Variants in ITPR1 observed in about 807,000 individuals in gnomAD.
ITPR1 encodes the protein inositol 1,4,5-trisphosphate receptor type 1, also known as inositol 1,4,5-trisphosphate-gated calcium channel ITPR1.
A neutral mutation model predicts 318.4 loss-of-function variants in ITPR1; 96 were observed. The observed-to-expected ratio is 0.30, with a 90% CI of 0.26 to 0.36. ITPR1 has a LOEUF of 0.36. ITPR1 is among the 10% of genes least tolerant of loss of function. ITPR1 has a pLI of 1.00. For synonymous variants in ITPR1, 1,312 were observed against 1,289.9 expected (o/e 1.02, Z -0.37); for missense variants, 2,440 against 3,460.2 (o/e 0.71, Z 7.40).
Position 4,685,212 on chromosome 3 carries a change from C to T in ITPR1, c.3702+6C>T, listed in dbSNP as rs542846100. On this transcript the variant is annotated splice_donor_region_variant and intron_variant, in intron 30 of 61. Transcript: ENST00000649015. ...TGCAGATTCCCTATGAGAAGGTGAG[C>T]GGTGCCTCATGCACAGCAGCTGCTC... is the stretch of plus-strand genomic sequence containing the variant. 78 of 1,596,036 alleles carry T rather than the reference C, an allele frequency of 4.9e-5. No individual in the cohort carries two copies. Among genetic ancestry groups the T allele is most frequent in the Non-Finnish European group, 5.6e-5 (66 of 1,175,414 alleles).
chr3:4,803,224 G>A (rs1011598059), intron 54 of ITPR1, among the ~76,000 whole-genome samples: 1 of 152,140 alleles, frequency 6.6e-6, no homozygotes, highest in Non-Finnish European at 1.5e-5. Flanking sequence ...TTATGATCCA[G>A]TCACCTCCCC....
chr3:4,527,972 C>T (rs17040842), intron 4 of ITPR1, among the ~76,000 whole-genome samples: 12,378 of 152,104 alleles, frequency 0.081, 1,652 homozygotes, highest in African/African-American at 0.28. Flanking sequence ...TAGGAAGGGT[C>T]CTCAAATAAG....
At chr3:4,600,605 G>A (rs773875391) in intron 4 of ITPR1, among the ~76,000 whole-genome samples, 5 of 152,116 alleles carry the variant, frequency 3.3e-5, no homozygotes, top group Non-Finnish European at 7.4e-5. Context: ...AAATATATGT[G>A]AATGTTTGTG....
At chr3:4,625,380 T>C (rs1007931500) in intron 4 of ITPR1, among the ~76,000 whole-genome samples, 30 of 152,174 alleles carry the variant, frequency 2.0e-4, no homozygotes, top group Admixed American at 1.9e-3. Flanking sequence ...TTTTGAGATA[T>C]TTATTTGACT....
chr3:4,659,327 A>G (rs2093781886), intron 13 of ITPR1, among the ~76,000 whole-genome samples: 1 of 152,186 alleles, frequency 6.6e-6, no homozygotes, highest in Admixed American at 6.5e-5. Flanking sequence ...TTTTAACTGA[A>G]TAGTATGTTT....
intron 30 of ITPR1, among the ~76,000 whole-genome samples, chr3:4,686,957 T>C (rs1462154554): frequency 1.3e-5 from 2 of 152,236 alleles, no homozygotes; most frequent in African/African-American, 4.8e-5. Context: ...GTAATCCCCA[T>C]TATGTTGTCC....
chr3:4,688,266 A>G (rs961051437), intron 30 of ITPR1, among the ~76,000 whole-genome samples: 4 of 53,802 alleles, frequency 7.4e-5, no homozygotes, highest in Non-Finnish European at 2.6e-4. Flanking sequence ...TATTAGCCTT[A>G]CTCTGCAGTG....
chr3:4,748,359 A>C (rs2044258389), intron 44 of ITPR1, among the ~76,000 whole-genome samples: 1 of 152,126 alleles, frequency 6.6e-6, no homozygotes, highest in South Asian at 2.1e-4. Context: ...TGCACTGGTT[A>C]TTTGATCTGA....
intron 40 of ITPR1, among the ~76,000 whole-genome samples, chr3:4,718,931 A>AT (rs1197198989): frequency 6.6e-6 from 1 of 152,146 alleles, no homozygotes; most frequent in Non-Finnish European, 1.5e-5. Context: ...ACTGATTTAA[A>AT]TTTTTCCTCT....
At chr3:4,685,298 A>G (rs2094373622) in intron 30 of ITPR1, 92 bp downstream of exon 30, 4 of 1,279,500 alleles carry the variant, frequency 3.1e-6, no homozygotes, top group Non-Finnish European at 2.1e-6. Context: ...TTGTTAGTGA[A>G]GAAATGCATC....
At chr3:4,688,756 T>C (rs1182344646) in intron 31 of ITPR1, 136 bp downstream of exon 31, 1 of 817,018 alleles carries the variant, frequency 1.2e-6, no homozygotes, top group Non-Finnish European at 1.9e-6. Flanking sequence ...GGGAACATTT[T>C]CATCACTTAT....
chr3:4,676,544 G>A (rs1331518124), intron 23 of ITPR1, 70 bp from the exon 24 acceptor site: 2 of 1,151,454 alleles, frequency 1.7e-6, no homozygotes, highest in African/African-American at 1.5e-5. Flanking sequence ...AAGAGCCCCT[G>A]CCCCTTGACA....
chr3:4,840,316 T>A (rs923212111), intron 61 of ITPR1, among the ~76,000 whole-genome samples: 3 of 152,032 alleles, frequency 2.0e-5, no homozygotes, highest in Admixed American at 6.6e-5. Flanking sequence ...TGGGAAAAAA[T>A]TTTGAATTAA....
At chr3:4,706,108 A>G (rs1160916434) in intron 36 of ITPR1, 59 bp from the exon 37 acceptor site, 3 of 1,587,408 alleles carry the variant, frequency 1.9e-6, no homozygotes, top group Non-Finnish European at 1.7e-6. Flanking sequence ...CATTACGTCC[A>G]TCTGTAGGGT....
At chr3:4,783,369 T>A (rs1241878287) in intron 50 of ITPR1, among the ~76,000 whole-genome samples, 1 of 152,090 alleles carries the variant, frequency 6.6e-6, no homozygotes, top group Non-Finnish European at 1.5e-5. Context: ...TAAACTCAGG[T>A]ACGGGAACCA....
intron 4 of ITPR1, among the ~76,000 whole-genome samples, chr3:4,583,321 A>G (rs2089545768): frequency 6.6e-6 from 1 of 152,210 alleles, no homozygotes; most frequent in Non-Finnish European, 1.5e-5. Flanking sequence ...TGGGAAAAAA[A>G]AGTTAGCGTT....
At chr3:4,665,423 T>C in intron 17 of ITPR1, 127 bp downstream of exon 17, 1 of 813,710 alleles carries the variant, frequency 1.2e-6, no homozygotes, top group South Asian at 2.7e-5. Context: ...AGTGTTGAGC[T>C]TGCTCTTGGG....
chr3:4,751,666 A>G (rs2044533112), intron 44 of ITPR1: 1 of 152,232 alleles, frequency 6.6e-6, no homozygotes, highest in South Asian at 2.1e-4. Context: ...TCTGTTAGAG[A>G]CATCTGCATA....
In ITPR1 at chr3:4,653,999, C is replaced by G. The variant is rs560292752; in HGVS notation, c.996+113C>G. On this transcript the variant is annotated intron_variant, in intron 12 of 61. Coordinates refer to ENST00000649015, the MANE Select transcript of ITPR1 (RefSeq NM_001378452.1). ...TCACGGAGTGCTGGGGAAGGAGGAA[C>G]CTTAGGCTCCCTTAAAACACGATCA... 49 of 680,600 alleles carry G rather than the reference C, an allele frequency of 7.2e-5. No individual in the cohort carries two copies. In the African/African-American group the frequency reaches 7.9e-4, roughly 11 times the overall value. The allele number at this position is 680,600 out of a possible 1,614,324, so 42.2% of individuals were successfully genotyped here. A position where few individuals can be genotyped will look rare whatever the true frequency, so the allele number is the denominator to read the frequency against.
Sources: allele counts gnomAD v4.1 joint callset (sites outside exome capture counted in the v4.1 genomes callset), GRCh38; gene constraint gnomAD v4.1.1; transcripts MANE v1.5; gene names NCBI Gene and HGNC (gene_info 2026-07-23, HGNC 2026-07-21).